Variants in ZBTB21 observed in about 807,000 individuals in gnomAD.
ZBTB21 encodes zinc finger and BTB domain containing 21.
Under a neutral mutation model 39.8 loss-of-function variants are expected in ZBTB21, and 10 were observed. That is an observed-to-expected ratio of 0.25 (90% CI 0.16 to 0.43). The LOEUF is 0.43. Among genes scored for constraint, ZBTB21 ranks in the 20% least tolerant of loss-of-function variants. The pLI is 1.00. For missense variants in ZBTB21, 1,221 were observed against 1,296.3 expected (o/e 0.94, Z 0.89); for synonymous variants, 551 against 498.8 (o/e 1.10, Z -1.40).
chr21:42,008,269 A>G (rs7281176), intron 1 of ZBTB21, among the ~76,000 whole-genome samples: 94,781 of 148,038 alleles, frequency 0.64, 31,787 homozygotes, highest in African/African-American at 0.8. Flanking sequence ...ACTTTGGGAG[A>G]CCAAGTGGGG....
rs1327216115 is a variant in ZBTB21, at chr21:41,992,658, G to T, written c.1438C>A (p.Leu480Ile). ...GCTTGGAACCTCCTTTTTGCTGGGA[G>T]TCTGCTCATGTCTTTTTGGTCATCT... Reference protein sequence around the residue: ...TEDDQKDMSRLPAKRRFQADR... With the variant: ...TEDDQKDMSRIPAKRRFQADR... The change falls in exon 3 of 3, where the codon CTC becomes ATC. Residue 480 changes from leucine (L) to isoleucine (I), a missense_variant. Transcript: ENST00000310826. The surrounding 1 kb of genome is among the most constrained non-coding windows in gnomAD (Gnocchi z 4.1). 1.2e-6 allele frequency: 2 copies of T among 1,613,838 alleles called. No homozygotes were observed. Among genetic ancestry groups the T allele is most frequent in the Admixed American group, 1.7e-5 (1 of 59,974 alleles).
chr21:41,991,828 C>A lies in ZBTB21; in HGVS notation c.2268G>T (p.Arg756Ser). Residue 756 changes from arginine to serine, a missense_variant, in exon 3 of 3, where the codon AGG (arginine) becomes AGT (serine). This residue lies in a region of ZBTB21 where 523 missense variants were observed against 542.5 expected (regional missense o/e 0.96). Transcript: ENST00000310826. The surrounding 1 kb of genome is among the most constrained non-coding windows in gnomAD (Gnocchi z 4.9). ...CTTGCTTCAGCTCGGGCGAGAAAAA[C>A]CTGAGGCTGCAGTAAGGGCAGACGG... ...NAAVCPYCSL[R>S]FFSPELKQEH... The A allele has an allele frequency of 6.2e-7, 1 of 1,614,216 alleles. No individual in the cohort carries two copies. The highest frequency in any genetic ancestry group is 1.1e-5 in the South Asian group (1 of 91,086).
Position 41,986,932 on chromosome 21 carries a change from A to C in ZBTB21, c.*3963T>G, listed in dbSNP as rs1180168873. 1 of 152,694 alleles carries C rather than the reference A, an allele frequency of 6.5e-6. No individual in the cohort carries two copies. Among genetic ancestry groups the C allele is most frequent in the Non-Finnish European group, 1.5e-5 (1 of 68,044 alleles). 9.5% of individuals were successfully genotyped at this position (152,694 alleles called of 1,614,324 possible). A position where few individuals can be genotyped will look rare whatever the true frequency, so the allele number is the denominator to read the frequency against. On this transcript the variant is annotated 3_prime_UTR_variant, in exon 3 of 3. Transcript: ENST00000310826. The stretch of plus-strand genomic sequence containing the variant: ...ATTGAATACAAATAAGCAATGGATT[A>C]ACATTAGATAGAAATCCTATTTTAC...
rs2065650185 is a variant in ZBTB21, at chr21:41,991,305, G to A, written c.2791C>T (p.Leu931=). The A allele has an allele frequency of 1.2e-6, 2 of 1,612,314 alleles. No homozygotes were observed. The highest frequency in any genetic ancestry group is 2.2e-5 in the South Asian group (2 of 90,820). Reference sequence around the variant, plus strand: ...CAAATAAATGGTTTCACAGAGCACAGAAGCTCCTGGTGACGCTCCAGCTGC... The same window carrying A: ...CAAATAAATGGTTTCACAGAGCACAAAAGCTCCTGGTGACGCTCCAGCTGC... The part of the protein sequence containing the change: ...HKQLERHQEL[L]CSVKPFICHV... Residue 931 remains leucine (L), a synonymous_variant, in exon 3 of 3, where the codon CTG becomes TTG. Coordinates refer to ENST00000310826, the MANE Select transcript of ZBTB21 (RefSeq NM_001098402.2). This position sits in a 1 kb window ranked among gnomAD's most constrained non-coding sequence, Gnocchi z 4.9.
At chr21:42,001,812 C>A (rs1250825035) in intron 2 of ZBTB21, among the ~76,000 whole-genome samples, 1 of 152,156 alleles carries the variant, frequency 6.6e-6, no homozygotes, top group Non-Finnish European at 1.5e-5. Flanking sequence ...CTATTATTAT[C>A]TCCATTCTAC....
chr21:42,007,999 C>T (rs1325760767), intron 1 of ZBTB21: 1 of 152,162 alleles, frequency 6.6e-6, no homozygotes, highest in Non-Finnish European at 1.5e-5. Flanking sequence ...ACAGTATATC[C>T]TCAGGTCCAG....
Position 41,986,919 on chromosome 21 carries a change from T to C in ZBTB21, c.*3976A>G, listed in dbSNP as rs2065586081. On this transcript the variant is annotated 3_prime_UTR_variant, in exon 3 of 3. Coordinates refer to ENST00000310826, the MANE Select transcript of ZBTB21 (RefSeq NM_001098402.2). ...TGTAGACAATGGAATTGAATACAAA[T>C]AAGCAATGGATTAACATTAGATAGA... The C allele has an allele frequency of 6.6e-6, 1 of 152,632 alleles. No homozygotes were observed. The highest frequency in any genetic ancestry group is 1.5e-5 in the Non-Finnish European group (1 of 68,024). The allele number at this position is 152,632 out of a possible 1,614,324, so 9.5% of individuals were successfully genotyped here.
rs898743367 is a variant in ZBTB21 at position 41,990,010 on chromosome 21, C to T, written c.*885G>A. 2 of 152,056 alleles carry T rather than the reference C, an allele frequency of 1.3e-5. No homozygotes were observed. The highest frequency in any genetic ancestry group is 2.9e-5 in the Non-Finnish European group (2 of 67,996). 9.4% of individuals were successfully genotyped at this position (152,056 alleles called of 1,614,324 possible). Reference sequence around the variant, plus strand: ...CATATGGTTAGCTTTGTTTTTTGTCCTAACTACACTCAGATTTTCAATTTG... The same window carrying T: ...CATATGGTTAGCTTTGTTTTTTGTCTTAACTACACTCAGATTTTCAATTTG... On this transcript the variant is annotated 3_prime_UTR_variant, in exon 3 of 3. Coordinates refer to ENST00000310826, the MANE Select transcript of ZBTB21 (RefSeq NM_001098402.2).
intron 2 of ZBTB21, among the ~76,000 whole-genome samples, chr21:41,995,232 C>A (rs572993328): frequency 3.9e-5 from 6 of 152,172 alleles, no homozygotes; most frequent in African/African-American, 1.2e-4. Context: ...CAGAAGAAGA[C>A]AGGAAAATGT....
rs1056702399 is a variant in ZBTB21 at position 41,988,744 on chromosome 21, T to C, written c.*2151A>G. ...AAATCTAACAGATATGCAGAACCTA[T>C]GTTTAGATCAAAAATATTTTTTTTT... On this transcript the variant is annotated 3_prime_UTR_variant, in exon 3 of 3. Transcript: ENST00000310826. 6.6e-6 allele frequency: 1 copy of C among 151,570 alleles called. No individual in the cohort carries two copies. The highest frequency in any genetic ancestry group is 2.4e-5 in the African/African-American group (1 of 41,364). 9.4% of individuals were successfully genotyped at this position (151,570 alleles called of 1,614,324 possible).
rs1305942597 is a variant in ZBTB21, at chr21:41,991,077, G to A, written c.3019C>T (p.Leu1007=). 6.2e-7 allele frequency: 1 copy of A among 1,609,394 alleles called. No homozygotes were observed. The highest frequency in any genetic ancestry group is 2.2e-5 in the East Asian group (1 of 44,850). The change falls in exon 3 of 3, where the codon CTG becomes TTG. Residue 1007 remains leucine (L), a synonymous_variant. Transcript: ENST00000310826. This position sits in a 1 kb window ranked among gnomAD's most constrained non-coding sequence, Gnocchi z 4.9. The part of the protein sequence containing the change: ...QPLEPDSPTG[L]SENPTPATEK... ...GTGGCTGGAGTTGGGTTTTCGGACA[G>A]GCCTGTGGGGCTGTCAGGCTCCAGA...
intron 1 of ZBTB21, among the ~76,000 whole-genome samples, chr21:42,004,074 AC>A (rs2065849705): frequency 2.7e-5 from 4 of 148,818 alleles, no homozygotes; most frequent in Non-Finnish European, 5.9e-5. Context: ...ATCTTGGCTC[AC>A]TGCAACCTCC....
chr21:42,003,366 C>A (rs985003539), intron 1 of ZBTB21, among the ~76,000 whole-genome samples: 1 of 152,138 alleles, frequency 6.6e-6, no homozygotes, highest in Non-Finnish European at 1.5e-5. Context: ...TCCTGTAGCT[C>A]ACATTTCCAT....
At chr21:41,996,599 T>G (rs2065750369) in intron 2 of ZBTB21, among the ~76,000 whole-genome samples, 1 of 152,228 alleles carries the variant, frequency 6.6e-6, no homozygotes, top group African/African-American at 2.4e-5. Context: ...GACTTTGGTC[T>G]GTGGACTTTT....
Position 41,992,070 on chromosome 21 carries a change from C to T in ZBTB21, c.2026G>A (p.Gly676Arg), listed in dbSNP as rs763333388. ...AKGAYICTYC[G>R]KAYRFLSQFK... ...TGAGAGAGAAAGCGGTACGCTTTTC[C>T]GCAGTAAGTACAAATGTAAGCTCCT... The change falls in exon 3 of 3, where the codon GGA becomes AGA. Residue 676 changes from glycine to arginine, a missense_variant. By Grantham distance (125) the Gly-to-Arg change is moderately radical. Around this residue, in one of 4 missense-constraint regions of ZBTB21, gnomAD observed 523 missense variants for 542.5 expected, o/e 0.96. Transcript: ENST00000310826. The surrounding 1 kb of genome is among the most constrained non-coding windows in gnomAD (Gnocchi z 4.1). 20 of 1,614,038 alleles carry T rather than the reference C, an allele frequency of 1.2e-5. No individual in the cohort carries two copies. Among genetic ancestry groups the T allele is most frequent in the East Asian group, 8.9e-5 (4 of 44,894 alleles).
chr21:42,009,921 C>T (rs2146365637), intron 1 of ZBTB21, among the ~76,000 whole-genome samples: 1 of 152,338 alleles, frequency 6.6e-6, no homozygotes, highest in African/African-American at 2.4e-5. Context: ...AGGCGTGTCC[C>T]CTACCCCAGG....
At position 41,991,965 on chromosome 21, in the gene ZBTB21, G is replaced by T. The variant is rs201379071; in HGVS notation, c.2131C>A (p.Pro711Thr). 1.9e-6 allele frequency: 3 copies of T among 1,614,178 alleles called. No homozygotes were observed. The highest frequency in any genetic ancestry group is 3.3e-5 in the Admixed American group (2 of 60,024). Residue 711 changes from proline to threonine, a missense_variant, in exon 3 of 3, where the codon CCT (proline) becomes ACT (threonine). Physicochemically the swap from Pro to Thr is conservative, Grantham distance 38. This residue lies in a region of ZBTB21 where 523 missense variants were observed against 542.5 expected (regional missense o/e 0.96). Coordinates refer to ENST00000310826, the MANE Select transcript of ZBTB21 (RefSeq NM_001098402.2). This position sits in a 1 kb window ranked among gnomAD's most constrained non-coding sequence, Gnocchi z 4.9. The part of the protein sequence containing the change: ...NKVAKPKEHA[P>T]LASPVENKEV... Reference sequence around the variant, plus strand: ...TTGTTTTCTACTGGACTTGCAAGAGGAGCATGCTCTTTTGGTTTAGCAACT... The same window carrying T: ...TTGTTTTCTACTGGACTTGCAAGAGTAGCATGCTCTTTTGGTTTAGCAACT...
chr21:42,000,092 G>A (rs2065799661), intron 2 of ZBTB21, among the ~76,000 whole-genome samples: 1 of 152,140 alleles, frequency 6.6e-6, no homozygotes, highest in Non-Finnish European at 1.5e-5. Flanking sequence ...CGGAGGTAAA[G>A]GCAGAGTCAT....
At position 41,991,009 on chromosome 21, in the gene ZBTB21, G is replaced by GT; in HGVS notation, c.3086dup (p.Tyr1029Ter). The GT allele has an allele frequency of 6.4e-7, 1 of 1,566,400 alleles. No individual in the cohort carries two copies. Among genetic ancestry groups the GT allele is most frequent in the Non-Finnish European group, 8.6e-7 (1 of 1,158,562 alleles). Reference protein sequence around the residue: ...FVPQESDTLFYHAPPLSAITF... With the variant: ...FVPQESDTLF ...TGATTGCTGAAAGGGGTGGGGCATG[G>GT]TAAAAAAGGGTGTCTGATTCTTGGG... Residue 1029 changes from tyrosine (Y) to a stop codon, truncating the protein, a stop_gained and frameshift_variant, in exon 3 of 3, where the codon TAC becomes TAAC. Coordinates refer to ENST00000310826, the MANE Select transcript of ZBTB21 (RefSeq NM_001098402.2). LOFTEE classifies it high-confidence loss of function. This position sits in a 1 kb window ranked among gnomAD's most constrained non-coding sequence, Gnocchi z 4.9.
Sources: gnomAD v4.1 joint callset for allele counts (sites outside exome capture counted in the v4.1 genomes callset) on GRCh38, gnomAD v4.1.1 for gene constraint, gnomAD v4.1.1 regional missense constraint, Gnocchi (gnomAD v3.1) non-coding constraint, MANE v1.5 for transcripts, NCBI Gene and HGNC (gene_info 2026-07-23, HGNC 2026-07-21) for gene names.